The following AKR1C4 variants were observed in gnomAD, a reference collection of about 807,000 sequenced individuals.
AKR1C4 encodes the protein aldo-keto reductase family 1 member C4, also known as 3-alpha-HSD1.
A neutral mutation model predicts 41.0 loss-of-function variants in AKR1C4; 44 were observed. That is an observed-to-expected ratio of 1.07 (90% CI 0.84 to 1.38). The LOEUF (loss-of-function observed/expected upper bound fraction) is 1.38, where lower values mean the gene tolerates loss of function less well. AKR1C4 is among the 40% of genes most tolerant of loss of function. The pLI is 0.00. For missense variants in AKR1C4, 438 were observed against 387.9 expected (o/e 1.13, Z -1.09); for synonymous variants, 165 against 137.7 (o/e 1.20, Z -1.39).
chr10:5,197,143 A>G (rs1237019282), intron 1 of AKR1C4, among the ~76,000 whole-genome samples, 192 bp downstream of exon 1: 1 of 152,226 alleles, frequency 6.6e-6, no homozygotes, highest in South Asian at 2.1e-4. Context: ...GGTCTGTCAT[A>G]TGGTAATTTA....
intron 5 of AKR1C4, among the ~76,000 whole-genome samples, chr10:5,212,244 C>G (rs1166451996): frequency 6.6e-6 from 1 of 152,102 alleles, no homozygotes; most frequent in African/African-American, 2.4e-5. Context: ...ACTGGGATTC[C>G]TATAAAACTA....
intron 7 of AKR1C4, among the ~76,000 whole-genome samples, chr10:5,215,753 T>A (rs1161895604): frequency 1.3e-5 from 2 of 152,244 alleles, no homozygotes; most frequent in Admixed American, 6.5e-5. Flanking sequence ...TAGACCTCAT[T>A]AGCCTAAACT....
intron 7 of AKR1C4, among the ~76,000 whole-genome samples, chr10:5,215,570 T>C (rs1397843231): frequency 2.0e-5 from 3 of 152,220 alleles, no homozygotes; most frequent in African/African-American, 4.8e-5. Context: ...GCAGTCACAC[T>C]ATCTCTTGAA....
chr10:5,218,748 A>G lies in AKR1C4; in HGVS notation c.960A>G (p.Ser320=). The change falls in exon 9 of 9, where the codon TCA becomes TCG. Residue 320 remains serine, a synonymous_variant. Transcript: ENST00000263126. ...TGGACCATCCTGATTATCCATTTTC[A>G]GATGAATATTAGCATAGAGGGTGTT... ...FLMDHPDYPF[S]DEY 6.2e-7 allele frequency: 1 copy of G among 1,604,972 alleles called. No individual in the cohort carries two copies. The highest frequency in any genetic ancestry group is 8.5e-7 in the Non-Finnish European group (1 of 1,171,654).
At chr10:5,198,514 G>C (rs536480074) in intron 1 of AKR1C4, among the ~76,000 whole-genome samples, 5 of 152,304 alleles carry the variant, frequency 3.3e-5, no homozygotes, top group African/African-American at 1.2e-4. Context: ...CCAGCACCCA[G>C]TTAAAATCTT....
At chr10:5,208,956 C>A (rs10795255) in intron 5 of AKR1C4, among the ~76,000 whole-genome samples, 120,340 of 148,890 alleles carry the variant, frequency 0.81, 50,865 homozygotes, top group East Asian at 0.98. Context: ...TACTTTGGTC[C>A]GTTAACTTGT....
intron 5 of AKR1C4, among the ~76,000 whole-genome samples, chr10:5,209,915 C>CAT (rs1198178212): frequency 6.6e-6 from 1 of 152,214 alleles, no homozygotes; most frequent in East Asian, 1.9e-4. Context: ...CAAAACCAAT[C>CAT]ATGCATTCCC....
chr10:5,216,757 G>T lies in AKR1C4; in HGVS notation c.893G>T (p.Gly298Val). The T allele has an allele frequency of 1.2e-6, 2 of 1,612,312 alleles. No homozygotes were observed. The highest frequency in any genetic ancestry group is 1.7e-6 in the Non-Finnish European group (2 of 1,178,994). Residue 298 changes from glycine to valine, a missense_variant, in exon 8 of 9, where the codon GGT becomes GTT. By Grantham distance (109) the Gly-to-Val change is moderately radical. Transcript: ENST00000263126. ...TCAGAGGATATGAAAGTTCTAGATG[G>T]TCTAAACAGAAATTATCGATATGTT... ...LTSEDMKVLDGLNRNYRYVVM... is the reference protein window; with the variant it reads ...LTSEDMKVLDVLNRNYRYVVM...
intron 5 of AKR1C4, among the ~76,000 whole-genome samples, chr10:5,208,774 A>G (rs1832526606): frequency 1.3e-5 from 2 of 151,454 alleles, no homozygotes; most frequent in Non-Finnish European, 2.9e-5. Context: ...CATAAATAGA[A>G]GATGAAAAAA....
At position 5,199,864 on chromosome 10, in the gene AKR1C4, G is replaced by A. The variant is rs917562633; in HGVS notation, c.85-317G>A. ...AGAAAGCCCTCTGTCCTTGCCATAA[G>A]GTAGAGGGTCTAATTGAGCTGGTTA... On this transcript the variant is annotated intron_variant, in intron 1 of 8. Transcript: ENST00000263126. 2.0e-5 allele frequency among the ~76,000 whole-genome samples: 3 copies of A among 152,312 alleles called. No homozygotes were observed. The East Asian group carries it at 5.8e-4, about 29-fold the overall frequency.
At position 5,200,303 on chromosome 10, in the gene AKR1C4, T is replaced by C. The variant is rs782107525; in HGVS notation, c.207T>C (p.Ile69=). 1 of 1,614,194 alleles carries C rather than the reference T, an allele frequency of 6.2e-7. No homozygotes were observed. Among genetic ancestry groups the C allele is most frequent in the Non-Finnish European group, 8.5e-7 (1 of 1,180,004 alleles). The change falls in exon 2 of 9, where the codon ATT becomes ATC. Residue 69 remains isoleucine (I), a synonymous_variant. Transcript: ENST00000263126. ...TTGGACTGGCCATCCGAAGCAAGAT[T>C]GCAGATGGCAGTGTGAAGAGAGAAG... ...EQVGLAIRSK[I]ADGSVKREDI... is the part of the protein sequence containing the mutation.
At chr10:5,203,676 T>C (rs968383711) in intron 2 of AKR1C4, among the ~76,000 whole-genome samples, 2 of 152,216 alleles carry the variant, frequency 1.3e-5, no homozygotes, top group Non-Finnish European at 2.9e-5. Flanking sequence ...GCATTGCTTC[T>C]TGGAAAAAAG....
rs1832453964 is a variant in AKR1C4, at chr10:5,204,496, A to G, written c.369+3A>G. ...TTCATTTCCCAATGGCTCTCAAGGT[A>G]GGGAATTTGTGAGATCAACTTCTCT... On this transcript the variant is annotated splice_donor_region_variant and intron_variant, in intron 3 of 8. Transcript: ENST00000263126. 1.3e-6 allele frequency: 2 copies of G among 1,598,188 alleles called. No homozygotes were observed. Among genetic ancestry groups the G allele is most frequent in the Non-Finnish European group, 1.7e-6 (2 of 1,165,822 alleles).
intron 5 of AKR1C4, among the ~76,000 whole-genome samples, chr10:5,209,421 CAA>C (rs1198483351): frequency 5.9e-5 from 9 of 151,942 alleles, no homozygotes; most frequent in Non-Finnish European, 1.3e-4. Flanking sequence ...ATTTTTTTCA[CAA>C]AGTCAAGAAA....
intron 3 of AKR1C4, 98 bp downstream of exon 3, chr10:5,204,591 T>C: frequency 1.0e-6 from 1 of 961,554 alleles, no homozygotes; most frequent in Non-Finnish European, 1.7e-6. Context: ...GTAGGTGTTA[T>C]TACATGGCAG....
chr10:5,204,561 G>T (rs570981972), intron 3 of AKR1C4, 68 bp downstream of exon 3: 3 of 1,211,072 alleles, frequency 2.5e-6, no homozygotes, highest in Middle Eastern at 1.9e-4. Flanking sequence ...TGGTTGAATT[G>T]AACTTCTTCT....
chr10:5,198,534 G>A (rs138923228), intron 1 of AKR1C4, among the ~76,000 whole-genome samples: 6 of 152,258 alleles, frequency 3.9e-5, no homozygotes, highest in East Asian at 3.9e-4. Context: ...TGGGAATTGA[G>A]TCTCCAAATA....
At chr10:5,197,148 A>T (rs192536151) in intron 1 of AKR1C4, among the ~76,000 whole-genome samples, 197 bp downstream of exon 1, 1 of 152,316 alleles carries the variant, frequency 6.6e-6, no homozygotes, top group East Asian at 1.9e-4. Context: ...GTCATATGGT[A>T]ATTTACTGCT....
chr10:5,208,886 AG>A (rs1306730247), intron 5 of AKR1C4, among the ~76,000 whole-genome samples: 2 of 144,550 alleles, frequency 1.4e-5, no homozygotes, highest in East Asian at 4.3e-4. Flanking sequence ...AATAAATAAA[AG>A]ATGTATCATG....
Sources: gnomAD v4.1 joint callset for allele counts (sites outside exome capture counted in the v4.1 genomes callset) on GRCh38, gnomAD v4.1.1 for gene constraint, MANE v1.5 for transcripts, NCBI Gene and HGNC (gene_info 2026-07-23, HGNC 2026-07-21) for gene names.